The following MBNL2 variants were observed in gnomAD, a reference collection of about 807,000 sequenced individuals.
MBNL2 encodes muscleblind like splicing regulator 2.
MBNL2 carries 17 observed loss-of-function variants against 41.9 expected under a neutral mutation model. The ratio of observed to expected loss-of-function variants is 0.41; its 90% CI spans 0.28 to 0.61. The LOEUF is 0.61. Ranked by LOEUF, MBNL2 falls within the 20% of genes least tolerant of loss-of-function variation. MBNL2 has a pLI of 0.35. For synonymous variants in MBNL2, 195 were observed against 182.9 expected (o/e 1.07, Z -0.53); for missense variants, 336 against 505.6 (o/e 0.66, Z 3.22).
chr13:97,222,400 A>C lies in MBNL2; in HGVS notation c.-736A>C, dbSNP rs1257768868. 5.0e-6 allele frequency: 2 copies of C among 398,548 alleles called. No homozygotes were observed. Among genetic ancestry groups the C allele is most frequent in the Non-Finnish European group, 8.8e-6 (2 of 226,082 alleles). 24.7% of individuals were successfully genotyped at this position (398,548 alleles called of 1,614,324 possible). On this transcript the variant is annotated 5_prime_UTR_variant, in exon 1 of 9. Coordinates refer to ENST00000679496, the MANE Select transcript of MBNL2 (RefSeq NM_001382683.1). ...TACGGCAGACGGCTTTCAGAGTACAATAAACAGGGAATGAGAACTATTTAC... is the reference window on the plus strand; with the variant it reads ...TACGGCAGACGGCTTTCAGAGTACACTAAACAGGGAATGAGAACTATTTAC...
chr13:97,212,864 T>G, the MBNL2 span, among the ~76,000 whole-genome samples: 1 of 152,192 alleles, frequency 6.6e-6, no homozygotes, highest in Admixed American at 6.5e-5. Flanking sequence ...GAAATTGATG[T>G]TTTCGCTGAA....
rs1486936811 is a variant in MBNL2, at chr13:97,392,685, AGTTT to A, written c.*1241_*1244del. On this transcript the variant is annotated 3_prime_UTR_variant, in exon 9 of 9. Transcript: ENST00000679496. ...CGATACAATTAAATTTTGTTCAGAAAGTTTGTTTTAAAGTTTATTTTAAGCACTA... is the reference window on the plus strand; with the variant it reads ...CGATACAATTAAATTTTGTTCAGAAAGTTTTAAAGTTTATTTTAAGCACTA... 6.6e-6 allele frequency: 1 copy of A among 152,416 alleles called. No individual in the cohort carries two copies. The highest frequency in any genetic ancestry group is 2.4e-5 in the African/African-American group (1 of 41,426). 9.4% of individuals were successfully genotyped at this position (152,416 alleles called of 1,614,324 possible).
intron 1 of MBNL2, among the ~76,000 whole-genome samples, chr13:97,227,063 AT>A (rs2041737020): frequency 1.3e-5 from 1 of 74,168 alleles, no homozygotes; most frequent in African/African-American, 5.5e-5. Context: ...CAAAAAAAAA[AT>A]CAAAAAAAAA....
rs754929633 is a variant in MBNL2, at chr13:97,346,849, G to A, written c.586G>A (p.Asp196Asn). Residue 196 changes from aspartate to asparagine, a missense_variant, in exon 5 of 9, where the codon GAC (aspartate) becomes AAC (asparagine). Coordinates refer to ENST00000679496, the MANE Select transcript of MBNL2 (RefSeq NM_001382683.1). This position sits in a 1 kb window ranked among gnomAD's most constrained non-coding sequence, Gnocchi z 4.2. The stretch of plus-strand genomic sequence containing the variant: ...AGGAAACTGTGCCCGGGGAGAGACC[G>A]ACTGCCGCTTTGCACACCCCGCAGA... The part of the protein sequence containing the change: ...QRGNCARGET[D>N]CRFAHPADST... 6.2e-7 allele frequency: 1 copy of A among 1,614,038 alleles called. No homozygotes were observed. The highest frequency in any genetic ancestry group is 8.5e-7 in the Non-Finnish European group (1 of 1,179,908).
chr13:97,368,034 C>A (rs1379807617), intron 8 of MBNL2, among the ~76,000 whole-genome samples: 1 of 152,172 alleles, frequency 6.6e-6, no homozygotes, highest in African/African-American at 2.4e-5. Context: ...ATACCTGTTT[C>A]TTTCAAGTCT....
rs184543807 is a variant in MBNL2 at position 97,264,935 on chromosome 13, C to G, written c.-604-10697C>G. Among the ~76,000 whole-genome samples, 339 of 152,280 alleles carry G rather than the reference C, an allele frequency of 2.2e-3. 1 individual carries two copies. Among genetic ancestry groups the G allele is most frequent in the African/African-American group, 7.3e-3 (305 of 41,548 alleles). ...ATTGGTTCCTGGACATCCAGGAAAC[C>G]GGTAAGTGCAATGCAGTTTTCAATG... On this transcript the variant is annotated intron_variant, in intron 1 of 8. Coordinates refer to ENST00000679496, the MANE Select transcript of MBNL2 (RefSeq NM_001382683.1).
chr13:97,385,812 G>C (rs79024353), intron 8 of MBNL2, among the ~76,000 whole-genome samples: 1 of 152,142 alleles, frequency 6.6e-6, no homozygotes, highest in Non-Finnish European at 1.5e-5. Context: ...GTCTTCTCTT[G>C]CACCATTCTG....
At chr13:97,210,274 T>G in the MBNL2 span, among the ~76,000 whole-genome samples, 1 of 152,226 alleles carries the variant, frequency 6.6e-6, no homozygotes, top group South Asian at 2.1e-4. Flanking sequence ...AAAAATAACT[T>G]TAAGATTCAA....
At chr13:97,151,564 A>G in the MBNL2 span, among the ~76,000 whole-genome samples, 2 of 152,194 alleles carry the variant, frequency 1.3e-5, no homozygotes, top group African/African-American at 4.8e-5. Flanking sequence ...CTCCCACCAA[A>G]GCTAATTTCA....
At chr13:97,263,959 C>T (rs1000436002) in intron 1 of MBNL2, among the ~76,000 whole-genome samples, 2 of 150,182 alleles carry the variant, frequency 1.3e-5, no homozygotes, top group Non-Finnish European at 3.0e-5. Flanking sequence ...GTAGTATAAT[C>T]GAATTTTTCA....
At chr13:97,193,341 A>T in the MBNL2 span, among the ~76,000 whole-genome samples, 7 of 152,244 alleles carry the variant, frequency 4.6e-5, no homozygotes, top group Non-Finnish European at 8.8e-5. Context: ...GCCCTACGAC[A>T]GTTGAGGGCG....
chr13:97,376,919 C>A (rs2065014050), intron 8 of MBNL2, among the ~76,000 whole-genome samples: 1 of 152,176 alleles, frequency 6.6e-6, no homozygotes. Context: ...AGCAAGAGAG[C>A]CAGGCCCAGG....
At chr13:97,161,002 C>T in the MBNL2 span, among the ~76,000 whole-genome samples, 4 of 152,054 alleles carry the variant, frequency 2.6e-5, no homozygotes, top group South Asian at 8.3e-4. Context: ...CAAATTGTGG[C>T]CTATGGACAA....
At chr13:97,236,324 T>G (rs983831020) in intron 1 of MBNL2, among the ~76,000 whole-genome samples, 33 of 152,012 alleles carry the variant, frequency 2.2e-4, no homozygotes, top group Non-Finnish European at 4.6e-4. Context: ...AACGAAGGGG[T>G]TAATTTAAAA....
the MBNL2 span, among the ~76,000 whole-genome samples, chr13:97,163,308 A>G: frequency 0.1 from 15,746 of 152,176 alleles, 920 homozygotes; most frequent in South Asian, 0.16. Context: ...ACAATAAAAT[A>G]AGCAGTCCAG....
chr13:97,154,533 C>A, the MBNL2 span, among the ~76,000 whole-genome samples: 5 of 152,104 alleles, frequency 3.3e-5, no homozygotes. Flanking sequence ...CCAGCCTGGT[C>A]TTGAACTCCT....
intron 1 of MBNL2, among the ~76,000 whole-genome samples, chr13:97,238,803 TG>T (rs1257964570): frequency 6.6e-6 from 1 of 152,168 alleles, no homozygotes; most frequent in Non-Finnish European, 1.5e-5. Context: ...TGGTGGCACC[TG>T]GGGCAACTTT....
intron 6 of MBNL2, 72 bp from the exon 7 acceptor site, chr13:97,357,410 G>C: frequency 7.8e-7 from 1 of 1,276,828 alleles, no homozygotes; most frequent in Non-Finnish European, 1.1e-6. Context: ...TGTTGCAATT[G>C]ATGATCTCTG....
At chr13:97,225,712 G>A (rs73555732) in intron 1 of MBNL2, among the ~76,000 whole-genome samples, 3,014 of 152,302 alleles carry the variant, frequency 0.02, 43 homozygotes, top group African/African-American at 0.033. Context: ...ACAGATCCCT[G>A]GGGCATGGCA....
Sources: allele counts gnomAD v4.1 joint callset (sites outside exome capture counted in the v4.1 genomes callset), GRCh38; gene constraint gnomAD v4.1.1; non-coding constraint Gnocchi (gnomAD v3.1); transcripts MANE v1.5; gene names NCBI Gene and HGNC (gene_info 2026-07-23, HGNC 2026-07-21).